SPMIP4: variants seen among roughly 807,000 people sequenced by gnomAD.
The protein encoded by SPMIP4 is sperm-associated microtubule inner protein 4.
At chr7:25,151,986 T>G in the SPMIP4 span, among the ~76,000 whole-genome samples, 1 of 152,364 alleles carries the variant, frequency 6.6e-6, no homozygotes, top group Non-Finnish European at 1.5e-5. Flanking sequence ...ACTTGGCTTG[T>G]TGCTCTTGAA....
chr7:25,157,121 ACTCAAAGAGCTC>A, the SPMIP4 span, among the ~76,000 whole-genome samples: 1 of 152,336 alleles, frequency 6.6e-6, no homozygotes, highest in South Asian at 2.1e-4. Context: ...ATAGGAGCGA[ACTCAAAGAGCTC>A]CTCATTGCCA....
At chr7:25,169,388 C>T in the SPMIP4 span, among the ~76,000 whole-genome samples, 3 of 152,080 alleles carry the variant, frequency 2.0e-5, no homozygotes, top group Non-Finnish European at 4.4e-5. Context: ...ACTCCCCACC[C>T]TCACTCTTTC....
At chr7:25,143,292 GTTTTA>G in the SPMIP4 span, among the ~76,000 whole-genome samples, 3 of 152,154 alleles carry the variant, frequency 2.0e-5, no homozygotes, top group East Asian at 1.9e-4. Flanking sequence ...TAACTAGAGA[GTTTTA>G]TTTTATATTT....
At chr7:25,126,081 T>A in the SPMIP4 span, 1 of 277,424 alleles carries the variant, frequency 3.6e-6, no homozygotes, top group Non-Finnish European at 5.5e-6. Flanking sequence ...AAGAGGTACA[T>A]GAGATATTTT....
the SPMIP4 span, among the ~76,000 whole-genome samples, chr7:25,164,369 G>T: frequency 6.6e-6 from 1 of 152,146 alleles, no homozygotes; most frequent in Non-Finnish European, 1.5e-5. Flanking sequence ...AAGGGCCAGA[G>T]GATATTACAC....
At chr7:25,133,886 T>A in the SPMIP4 span, among the ~76,000 whole-genome samples, 1 of 152,212 alleles carries the variant, frequency 6.6e-6, no homozygotes, top group Non-Finnish European at 1.5e-5. Flanking sequence ...CTGTATATAT[T>A]GTGCATGTAC....
chr7:25,160,425 A>G, the SPMIP4 span, among the ~76,000 whole-genome samples: 1 of 151,984 alleles, frequency 6.6e-6, no homozygotes, highest in Non-Finnish European at 1.5e-5. Context: ...CAGCCTCCCT[A>G]GTAGCTGGGA....
At chr7:25,160,159 C>A in the SPMIP4 span, among the ~76,000 whole-genome samples, 2 of 151,836 alleles carry the variant, frequency 1.3e-5, no homozygotes, top group East Asian at 1.9e-4. Flanking sequence ...AGGGATAAAC[C>A]GAGACAACCA....
chr7:25,159,019 C>G, the SPMIP4 span, among the ~76,000 whole-genome samples: 5 of 152,110 alleles, frequency 3.3e-5, no homozygotes, highest in East Asian at 5.8e-4. Flanking sequence ...TCCATTTATT[C>G]TAACCTCACC....
the SPMIP4 span, among the ~76,000 whole-genome samples, chr7:25,127,833 C>A: frequency 6.6e-6 from 1 of 152,162 alleles, no homozygotes; most frequent in Admixed American, 6.6e-5. Flanking sequence ...TGTATCCACC[C>A]TTCTTGGGAT....
At chr7:25,167,246 G>T in the SPMIP4 span, among the ~76,000 whole-genome samples, 28,200 of 152,124 alleles carry the variant, frequency 0.19, 3,824 homozygotes, top group African/African-American at 0.38. Flanking sequence ...CAGATGAAAA[G>T]AACTTGGGTG....
At chr7:25,136,653 C>T in the SPMIP4 span, 1 of 1,614,132 alleles carries the variant, frequency 6.2e-7, no homozygotes, top group Non-Finnish European at 8.5e-7. The surrounding 1 kb of genome is among the most constrained non-coding windows in gnomAD (Gnocchi z 5.7). Context: ...GAAAATTACA[C>T]AAAACTCTAG....
chr7:25,169,194 A>G, the SPMIP4 span, among the ~76,000 whole-genome samples: 1 of 152,096 alleles, frequency 6.6e-6, no homozygotes, highest in African/African-American at 2.4e-5. Flanking sequence ...GTTCAAGACC[A>G]GCCTGGGCAA....
the SPMIP4 span, among the ~76,000 whole-genome samples, chr7:25,161,800 T>TACTCCATCTCTATTTACAC: frequency 6.6e-6 from 1 of 151,512 alleles, no homozygotes; most frequent in Non-Finnish European, 1.5e-5. Context: ...TCATTTGAAA[T>TACTCCATCTCTATTTACAC]TATTCAGAAA....
At chr7:25,177,156 T>C in the SPMIP4 span, among the ~76,000 whole-genome samples, 3 of 152,192 alleles carry the variant, frequency 2.0e-5, no homozygotes, top group Non-Finnish European at 4.4e-5. Flanking sequence ...GACTGCCTGG[T>C]GTGGAAGTGC....
the SPMIP4 span, among the ~76,000 whole-genome samples, chr7:25,172,983 G>A: frequency 1.3e-5 from 2 of 150,742 alleles, no homozygotes; most frequent in African/African-American, 4.9e-5. The surrounding 1 kb of genome is among the most constrained non-coding windows in gnomAD (Gnocchi z 4.2). Flanking sequence ...GAAGGGGGTG[G>A]TGGGGTGAAG....
At chr7:25,158,748 A>G in the SPMIP4 span, among the ~76,000 whole-genome samples, 3 of 151,746 alleles carry the variant, frequency 2.0e-5, no homozygotes, top group Non-Finnish European at 4.4e-5. Context: ...AAATACCAAA[A>G]ATACAAAAAA....
the SPMIP4 span, among the ~76,000 whole-genome samples, chr7:25,164,270 CA>C: frequency 1.3e-5 from 2 of 152,096 alleles, no homozygotes; most frequent in Admixed American, 6.5e-5. Flanking sequence ...ATGCTTCCAT[CA>C]GGGGGTACAA....
chr7:25,170,200 G>C, the SPMIP4 span, among the ~76,000 whole-genome samples: 4 of 152,084 alleles, frequency 2.6e-5, no homozygotes, highest in African/African-American at 4.8e-5. Context: ...GCCAACACTT[G>C]CTATTTTCTG....
Sources: allele counts gnomAD v4.1 joint callset (sites outside exome capture counted in the v4.1 genomes callset), GRCh38; gene constraint gnomAD v4.1.1; non-coding constraint Gnocchi (gnomAD v3.1); transcripts MANE v1.5; gene names NCBI Gene and HGNC (gene_info 2026-07-23, HGNC 2026-07-21).